The following OR52E6 variants were observed in gnomAD, a reference collection of about 807,000 sequenced individuals.
OR52E6 encodes the protein olfactory receptor 52E6.
For missense variants in OR52E6, 419 were observed against 381.5 expected (o/e 1.10, Z -0.82); for synonymous variants, 173 against 137.3 (o/e 1.26, Z -1.82).
Position 5,841,210 on chromosome 11 carries a change from G to C in OR52E6, c.688C>G (p.Pro230Ala). The C allele has an allele frequency of 1.9e-6, 3 of 1,613,916 alleles. No homozygotes were observed. Among genetic ancestry groups the C allele is most frequent in the Non-Finnish European group, 2.5e-6 (3 of 1,179,950 alleles). ...IRILYAVFCL[P>A]SWEARLKALN... The stretch of plus-strand genomic sequence containing the variant: ...GCTTTGAGTCGAGCTTCCCAGGAGG[G>C]CAGGCAGAAGACAGCATAGAGGATC... The change falls in exon 1 of 1, where the codon CCC becomes GCC. Residue 230 changes from proline (P) to alanine (A), a missense_variant. Transcript: ENST00000329322.
chr11:5,841,546 C>T lies in OR52E6; in HGVS notation c.352G>A (p.Val118Met). Reference sequence around the variant, plus strand: ...ATGTAGCGGTCAAAGGCCATGGCCACCAATACGATGCTCTCCATGACAGTG... The same window carrying T: ...ATGTAGCGGTCAAAGGCCATGGCCATCAATACGATGCTCTCCATGACAGTG... ...FFTVMESIVL[V>M]AMAFDRYIAI... Residue 118 changes from valine to methionine, a missense_variant, in exon 1 of 1, where the codon GTG becomes ATG. Coordinates refer to ENST00000329322, the MANE Select transcript of OR52E6 (RefSeq NM_001005167.2). 6.2e-7 allele frequency: 1 copy of T among 1,614,112 alleles called. No homozygotes were observed. The highest frequency in any genetic ancestry group is 8.5e-7 in the Non-Finnish European group (1 of 1,180,004).
In OR52E6 at chr11:5,841,709, G is replaced by C; in HGVS notation, c.189C>G (p.Tyr63Ter). ...CAATGGAATCCAACATGGCCAGGCA[G>C]TAGTACATGGGCTCATGGAGACTCT... ...TEQSLHEPMY[Y>*]CLAMLDSIDL... Residue 63 changes from tyrosine (Y) to a stop codon, truncating the protein, a stop_gained, in exon 1 of 1, where the codon TAC becomes TAG. Transcript: ENST00000329322. LOFTEE classifies it low-confidence loss of function (END_TRUNC). 1 of 1,613,690 alleles carries C rather than the reference G, an allele frequency of 6.2e-7. No individual in the cohort carries two copies. The highest frequency in any genetic ancestry group is 1.1e-5 in the South Asian group (1 of 91,042).
chr11:5,841,832 T>C lies in OR52E6; in HGVS notation c.66A>G (p.Leu22=). The C allele has an allele frequency of 6.2e-7, 1 of 1,613,826 alleles. No homozygotes were observed. The highest frequency in any genetic ancestry group is 8.5e-7 in the Non-Finnish European group (1 of 1,179,832). The part of the protein sequence containing the change: ...SSFLLLGIPG[L]EDVHIWIGFP... Reference sequence around the variant, plus strand: ...ATCCAATCCAGATGTGCACATCTTCTAGCCCTGGGATACCCAGCAGTAGGA... The same window carrying C: ...ATCCAATCCAGATGTGCACATCTTCCAGCCCTGGGATACCCAGCAGTAGGA... The change falls in exon 1 of 1, where the codon CTA becomes CTG. Residue 22 remains leucine (L), a synonymous_variant. Transcript: ENST00000329322.
rs751367665 is a variant in OR52E6 at position 5,841,380 on chromosome 11, T to C, written c.518A>G (p.His173Arg). ...FLLLRLPFCG[H>R]RIIPHTYCEH... ...ACAGTAAGTATGAGGGATGATACGA[T>C]GTCCACAGAAGGGCAACCTTAAGAG... is the stretch of plus-strand genomic sequence containing the variant. The change falls in exon 1 of 1, where the codon CAT becomes CGT. Residue 173 changes from histidine (H) to arginine (R), a missense_variant. Coordinates refer to ENST00000329322, the MANE Select transcript of OR52E6 (RefSeq NM_001005167.2). The C allele has an allele frequency of 4.3e-6, 7 of 1,614,044 alleles. No homozygotes were observed. Among genetic ancestry groups the C allele is most frequent in the Middle Eastern group, 1.6e-4 (1 of 6,084 alleles).
In OR52E6 at chr11:5,840,988, C is replaced by A; in HGVS notation, c.910G>T (p.Val304Leu). 6.3e-7 allele frequency: 1 copy of A among 1,586,650 alleles called. No individual in the cohort carries two copies. The highest frequency in any genetic ancestry group is 1.2e-5 in the South Asian group (1 of 86,372). The change falls in exon 1 of 1, where the codon GTG becomes TTG. Residue 304 changes from valine (V) to leucine (L), a missense_variant. Physicochemically the swap from Val to Leu is conservative, Grantham distance 32 (BLOSUM62 1). Transcript: ENST00000329322. ...TCTGTCTTGAAGAAAATCCTCAGCA[C>A]TGTCTCCCTAATATGTTTGGTTCTG... ...GVRTKHIRET[V>L]LRIFFKTDH
chr11:5,841,002 T>A lies in OR52E6; in HGVS notation c.896A>T (p.His299Leu), dbSNP rs1470126951. The A allele has an allele frequency of 2.5e-6, 4 of 1,599,804 alleles. No individual in the cohort carries two copies. Among genetic ancestry groups the A allele is most frequent in the Non-Finnish European group, 3.4e-6 (4 of 1,174,012 alleles). Residue 299 changes from histidine to leucine, a missense_variant, in exon 1 of 1, where the codon CAT becomes CTT. By Grantham distance (99) the His-to-Leu change is moderately conservative. Coordinates refer to ENST00000329322, the MANE Select transcript of OR52E6 (RefSeq NM_001005167.2). Reference sequence around the variant, plus strand: ...AATCCTCAGCACTGTCTCCCTAATATGTTTGGTTCTGACCCCATAGATTAC... The same window carrying A: ...AATCCTCAGCACTGTCTCCCTAATAAGTTTGGTTCTGACCCCATAGATTAC... ...NPVIYGVRTKHIRETVLRIFF... is the reference protein window; with the variant it reads ...NPVIYGVRTKLIRETVLRIFF...
rs753563290 is a variant in OR52E6 at position 5,841,866 on chromosome 11, G to C, written c.32C>G (p.Thr11Ser). The C allele has an allele frequency of 5.0e-6, 8 of 1,613,716 alleles. No individual in the cohort carries two copies. The highest frequency in any genetic ancestry group is 6.8e-6 in the Non-Finnish European group (8 of 1,179,750). ...GATACCCAGCAGTAGGAATGAAGAAGTATGGAACTGGGTGTCGTTAGCTAT... is the reference window on the plus strand; with the variant it reads ...GATACCCAGCAGTAGGAATGAAGAACTATGGAACTGGGTGTCGTTAGCTAT... MPIANDTQFH[T>S]SSFLLLGIPG... The change falls in exon 1 of 1, where the codon ACT becomes AGT. Residue 11 changes from threonine (T) to serine (S), a missense_variant. Transcript: ENST00000329322.
In OR52E6 at chr11:5,841,629, T is replaced by C; in HGVS notation, c.269A>G (p.Asn90Ser). ...IPKMLGIFWFNIKEISFGGYL... is the reference protein window; with the variant it reads ...IPKMLGIFWFSIKEISFGGYL... ...GCCTCCAAAAGATATTTCCTTGATA[T>C]TGAACCAGAAGATGCCCAGCATTTT... The change falls in exon 1 of 1, where the codon AAT becomes AGT. Residue 90 changes from asparagine (N) to serine (S), a missense_variant. Physicochemically the swap from Asn to Ser is conservative, Grantham distance 46. Coordinates refer to ENST00000329322, the MANE Select transcript of OR52E6 (RefSeq NM_001005167.2). 2 of 1,614,116 alleles carry C rather than the reference T, an allele frequency of 1.2e-6. No homozygotes were observed. Among genetic ancestry groups the C allele is most frequent in the Non-Finnish European group, 1.7e-6 (2 of 1,179,986 alleles).
rs746561944 is a variant in OR52E6, at chr11:5,841,753, A to G, written c.145T>C (p.Phe49Leu). 6.2e-7 allele frequency: 1 copy of G among 1,613,956 alleles called. No individual in the cohort carries two copies. Residue 49 changes from phenylalanine to leucine, a missense_variant, in exon 1 of 1, where the codon TTT (phenylalanine) becomes CTT (leucine). Physicochemically the swap from Phe to Leu is conservative, Grantham distance 22. Coordinates refer to ENST00000329322, the MANE Select transcript of OR52E6 (RefSeq NM_001005167.2). ...IALLGNAAIFFVIQTEQSLHE... is the reference protein window; with the variant it reads ...IALLGNAAIFLVIQTEQSLHE... Reference sequence around the variant, plus strand: ...AGACTCTGCTCAGTTTGGATCACAAAGAAGATAGCAGCATTTCCCAGGAGT... The same window carrying G: ...AGACTCTGCTCAGTTTGGATCACAAGGAAGATAGCAGCATTTCCCAGGAGT...
rs377318267 is a variant in OR52E6, at chr11:5,841,391, G to A, written c.507C>T (p.Pro169=). The A allele has an allele frequency of 2.0e-5, 33 of 1,614,068 alleles. No individual in the cohort carries two copies. The highest frequency in any genetic ancestry group is 5.5e-5 in the South Asian group (5 of 91,092). Residue 169 remains proline (P), a synonymous_variant, in exon 1 of 1, where the codon CCC becomes CCT. Coordinates refer to ENST00000329322, the MANE Select transcript of OR52E6 (RefSeq NM_001005167.2). The part of the protein sequence containing the change: ...IPLVFLLLRL[P]FCGHRIIPHT... Reference sequence around the variant, plus strand: ...GAGGGATGATACGATGTCCACAGAAGGGCAACCTTAAGAGGAGAAACACCA... The same window carrying A: ...GAGGGATGATACGATGTCCACAGAAAGGCAACCTTAAGAGGAGAAACACCA...
In OR52E6 at chr11:5,841,579, G is replaced by A. The variant is rs780491802; in HGVS notation, c.319C>T (p.His107Tyr). The change falls in exon 1 of 1, where the codon CAT becomes TAT. Residue 107 changes from histidine (H) to tyrosine (Y), a missense_variant. Coordinates refer to ENST00000329322, the MANE Select transcript of OR52E6 (RefSeq NM_001005167.2). Reference sequence around the variant, plus strand: ...ATGCTCTCCATGACAGTGAAGAAATGGATGAAGAACATCTGAGAAAGGTAG... The same window carrying A: ...ATGCTCTCCATGACAGTGAAGAAATAGATGAAGAACATCTGAGAAAGGTAG... ...GGYLSQMFFI[H>Y]FFTVMESIVL... The A allele has an allele frequency of 1.9e-6, 3 of 1,614,152 alleles. No homozygotes were observed. The South Asian group carries it at 3.3e-5, about 18-fold the overall frequency.
In OR52E6 at chr11:5,841,634, C is replaced by G; in HGVS notation, c.264G>C (p.Trp88Cys). 1 of 1,614,038 alleles carries G rather than the reference C, an allele frequency of 6.2e-7. No individual in the cohort carries two copies. Among genetic ancestry groups the G allele is most frequent in the Non-Finnish European group, 8.5e-7 (1 of 1,179,960 alleles). ...ATIPKMLGIF[W>C]FNIKEISFGG... The stretch of plus-strand genomic sequence containing the variant: ...CAAAAGATATTTCCTTGATATTGAA[C>G]CAGAAGATGCCCAGCATTTTGGGAA... Residue 88 changes from tryptophan (W) to cysteine (C), a missense_variant, in exon 1 of 1, where the codon TGG becomes TGC. Transcript: ENST00000329322.
In OR52E6 at chr11:5,841,447, C is replaced by A; in HGVS notation, c.451G>T (p.Val151Phe). Residue 151 changes from valine to phenylalanine, a missense_variant, in exon 1 of 1, where the codon GTC becomes TTC. By Grantham distance (50) the Val-to-Phe change is conservative. Transcript: ENST00000329322. ...ATGACCATGTACAAGCTCCTCAGGA[C>A]AGCAATGCCTGCAATGAGGCTGATG... ...KIISLIAGIAVLRSLYMVIPL... is the reference protein window; with the variant it reads ...KIISLIAGIAFLRSLYMVIPL... The A allele has an allele frequency of 6.2e-7, 1 of 1,614,126 alleles. No homozygotes were observed. Among genetic ancestry groups the A allele is most frequent in the Non-Finnish European group, 8.5e-7 (1 of 1,180,000 alleles).
chr11:5,841,779 G>A lies in OR52E6; in HGVS notation c.119C>T (p.Ala40Val). The A allele has an allele frequency of 6.2e-7, 1 of 1,613,828 alleles. No individual in the cohort carries two copies. Among genetic ancestry groups the A allele is most frequent in the Non-Finnish European group, 8.5e-7 (1 of 1,179,808 alleles). The change falls in exon 1 of 1, where the codon GCA (alanine) becomes GTA (valine). Residue 40 changes from alanine (A) to valine (V), a missense_variant. Ala to Val is a moderately conservative substitution (Grantham distance 64). Transcript: ENST00000329322. ...GFPFFSVYLI[A>V]LLGNAAIFFV... Reference sequence around the variant, plus strand: ...GAAGATAGCAGCATTTCCCAGGAGTGCAATAAGATACACAGAGAAAAAAGG... The same window carrying A: ...GAAGATAGCAGCATTTCCCAGGAGTACAATAAGATACACAGAGAAAAAAGG...
At position 5,840,963 on chromosome 11, in the gene OR52E6, T is replaced by C. The variant is rs1348407774; in HGVS notation, c.935A>G (p.Asp312Gly). 6.5e-7 allele frequency: 1 copy of C among 1,547,654 alleles called. No homozygotes were observed. The highest frequency in any genetic ancestry group is 1.3e-5 in the South Asian group (1 of 79,306). Residue 312 changes from aspartate (D) to glycine (G), a missense_variant, in exon 1 of 1, where the codon GAT becomes GGT. By Grantham distance (94) the Asp-to-Gly change is moderately conservative (BLOSUM62 -1). Coordinates refer to ENST00000329322, the MANE Select transcript of OR52E6 (RefSeq NM_001005167.2). ...ETVLRIFFKT[D>G]H ...CCTCCAAACTCCAACTGGTTAGTGA[T>C]CTGTCTTGAAGAAAATCCTCAGCAC...
In OR52E6 at chr11:5,841,378, G is replaced by A. The variant is rs186181055; in HGVS notation, c.520C>T (p.Arg174Cys). 73 of 1,614,168 alleles carry A rather than the reference G, an allele frequency of 4.5e-5. No individual in the cohort carries two copies. Among genetic ancestry groups the A allele is most frequent in the Middle Eastern group, 1.6e-4 (1 of 6,062 alleles). ...LLLRLPFCGH[R>C]IIPHTYCEHM... Reference sequence around the variant, plus strand: ...TCACAGTAAGTATGAGGGATGATACGATGTCCACAGAAGGGCAACCTTAAG... The same window carrying A: ...TCACAGTAAGTATGAGGGATGATACAATGTCCACAGAAGGGCAACCTTAAG... Residue 174 changes from arginine to cysteine, a missense_variant, in exon 1 of 1, where the codon CGT becomes TGT. Physicochemically the swap from Arg to Cys is radical, Grantham distance 180. Transcript: ENST00000329322.
chr11:5,841,209 G>A lies in OR52E6; in HGVS notation c.689C>T (p.Pro230Leu). The change falls in exon 1 of 1, where the codon CCC (proline) becomes CTC (leucine). Residue 230 changes from proline (P) to leucine (L), a missense_variant. By Grantham distance (98) the Pro-to-Leu change is moderately conservative (BLOSUM62 -3). Transcript: ENST00000329322. ...IRILYAVFCLPSWEARLKALN... is the reference protein window; with the variant it reads ...IRILYAVFCLLSWEARLKALN... Reference sequence around the variant, plus strand: ...AGCTTTGAGTCGAGCTTCCCAGGAGGGCAGGCAGAAGACAGCATAGAGGAT... The same window carrying A: ...AGCTTTGAGTCGAGCTTCCCAGGAGAGCAGGCAGAAGACAGCATAGAGGAT... 1 of 1,613,862 alleles carries A rather than the reference G, an allele frequency of 6.2e-7. No homozygotes were observed. The highest frequency in any genetic ancestry group is 8.5e-7 in the Non-Finnish European group (1 of 1,179,958).
Position 5,841,373 on chromosome 11 carries a change from G to T in OR52E6, c.525C>A (p.Ile175=), listed in dbSNP as rs756696227. 14 of 1,614,064 alleles carry T rather than the reference G, an allele frequency of 8.7e-6. No individual in the cohort carries two copies. Among genetic ancestry groups the T allele is most frequent in the Non-Finnish European group, 1.2e-5 (14 of 1,180,042 alleles). Residue 175 remains isoleucine (I), a synonymous_variant, in exon 1 of 1, where the codon ATC becomes ATA. Transcript: ENST00000329322. ...LLRLPFCGHR[I]IPHTYCEHMG... is the part of the protein sequence containing the mutation. ...TGTGCTCACAGTAAGTATGAGGGATGATACGATGTCCACAGAAGGGCAACC... is the reference window on the plus strand; with the variant it reads ...TGTGCTCACAGTAAGTATGAGGGATTATACGATGTCCACAGAAGGGCAACC...
chr11:5,841,279 G>C lies in OR52E6; in HGVS notation c.619C>G (p.Leu207Val), dbSNP rs1395040185. The C allele has an allele frequency of 1.9e-6, 3 of 1,614,100 alleles. No homozygotes were observed. The highest frequency in any genetic ancestry group is 1.1e-5 in the South Asian group (1 of 91,082). ...ATAAGGAGCACATCCAATAACAAGA[G>C]AGAAATACTGCCAAGACCAAACATA... Reference protein sequence around the residue: ...NIMFGLGSISLLLLDVLLIIL... With the variant: ...NIMFGLGSISVLLLDVLLIIL... The change falls in exon 1 of 1, where the codon CTC becomes GTC. Residue 207 changes from leucine to valine, a missense_variant. Transcript: ENST00000329322.
Sources: allele counts gnomAD v4.1 joint callset, GRCh38; gene constraint gnomAD v4.1.1; transcripts MANE v1.5; gene names NCBI Gene and HGNC (gene_info 2026-07-23, HGNC 2026-07-21).